Variants in PPP1R13B observed in about 807,000 individuals in gnomAD.
The protein encoded by PPP1R13B is apoptosis-stimulating of p53 protein 1.
Under a neutral mutation model 119.8 loss-of-function variants are expected in PPP1R13B, and 44 were observed. The ratio of observed to expected loss-of-function variants is 0.37; its 90% CI spans 0.29 to 0.47. The LOEUF is 0.47. Among genes scored for constraint, PPP1R13B ranks in the 20% least tolerant of loss-of-function variants. PPP1R13B has a pLI of 0.99. For missense variants in PPP1R13B, 1,227 were observed against 1,413.5 expected (o/e 0.87, Z 2.12); for synonymous variants, 542 against 561.5 (o/e 0.97, Z 0.49).
Position 103,740,446 on chromosome 14 carries a change from G to A in PPP1R13B, c.1970C>T (p.Pro657Leu). Residue 657 changes from proline to leucine, a missense_variant, in exon 12 of 17, where the codon CCC becomes CTC. By Grantham distance (98) the Pro-to-Leu change is moderately conservative. Coordinates refer to ENST00000202556, the MANE Select transcript of PPP1R13B (RefSeq NM_015316.3). The surrounding 1 kb of genome is among the most constrained non-coding windows in gnomAD (Gnocchi z 4.6). ...KEPEQDGPAA[P>L]ADGSTVESLP... ...GCTCTCCACGGTGCTGCCATCTGCG[G>A]GGGCGGCGGGGCCATCCTGCTCAGG... The A allele has an allele frequency of 6.2e-7, 1 of 1,606,892 alleles. No individual in the cohort carries two copies. Among genetic ancestry groups the A allele is most frequent in the Non-Finnish European group, 8.5e-7 (1 of 1,175,594 alleles).
intron 16 of PPP1R13B, 107 bp from the exon 17 acceptor site, chr14:103,735,302 G>T: frequency 1.9e-6 from 2 of 1,058,960 alleles, no homozygotes; most frequent in Non-Finnish European, 2.9e-6. Flanking sequence ...CAGCCGTGCA[G>T]CACCCTTGTC....
rs934262120 is a variant in PPP1R13B at position 103,836,034 on chromosome 14, C to A, written c.9+11265G>T. Reference sequence around the variant, plus strand: ...GGGATTGCAGATGTAAGCCATGGCGCCTGGCCTACTGACTTTTTTTTTTTT... The same window carrying A: ...GGGATTGCAGATGTAAGCCATGGCGACTGGCCTACTGACTTTTTTTTTTTT... On this transcript the variant is annotated intron_variant, in intron 1 of 16. Transcript: ENST00000202556. Among the ~76,000 whole-genome samples, 8 of 150,700 alleles carry A rather than the reference C, an allele frequency of 5.3e-5. No homozygotes were observed. The Middle Eastern group carries it at 0.017, about 325-fold the overall frequency.
At chr14:103,841,839 A>G (rs1360683041) in intron 1 of PPP1R13B, among the ~76,000 whole-genome samples, 4 of 152,206 alleles carry the variant, frequency 2.6e-5, no homozygotes. Context: ...GAATATGAAT[A>G]TTAGAGAACT....
chr14:103,752,344 T>C (rs760782831), intron 7 of PPP1R13B, among the ~76,000 whole-genome samples: 20 of 152,216 alleles, frequency 1.3e-4, no homozygotes, highest in African/African-American at 4.8e-4. Context: ...AGTAGATCTG[T>C]GGCTGCCAGG....
chr14:103,741,651 C>G, intron 11 of PPP1R13B, 139 bp downstream of exon 11: 5 of 1,147,580 alleles, frequency 4.4e-6, no homozygotes, highest in Non-Finnish European at 4.9e-6. Flanking sequence ...CACTGACACC[C>G]AAGGCTGTAC....
intron 1 of PPP1R13B, among the ~76,000 whole-genome samples, chr14:103,812,978 T>C (rs1449378508): frequency 3.3e-5 from 5 of 152,232 alleles, no homozygotes; most frequent in African/African-American, 9.6e-5. Context: ...TACAGCCATG[T>C]TGGAAGACAG....
intron 1 of PPP1R13B, chr14:103,818,478 TACCTGTTTTC>T (rs1165423574): frequency 2.0e-6 from 2 of 979,682 alleles, no homozygotes; most frequent in Non-Finnish European, 2.4e-6. Flanking sequence ...TATTGTCAGG[TACCTGTTTTC>T]ACACAGGGAG....
intron 1 of PPP1R13B, among the ~76,000 whole-genome samples, chr14:103,825,400 C>G (rs1318295757): frequency 6.6e-6 from 1 of 152,164 alleles, no homozygotes; most frequent in Non-Finnish European, 1.5e-5. Context: ...ATGTCAAAAG[C>G]TGAGATAGGC....
chr14:103,773,329 T>C (rs1340992268), intron 4 of PPP1R13B, among the ~76,000 whole-genome samples: 2 of 152,106 alleles, frequency 1.3e-5, no homozygotes, highest in Non-Finnish European at 2.9e-5. Context: ...GAAGATAAAA[T>C]ACTTCTCGAG....
At chr14:103,788,630 G>A (rs1392601325) in intron 2 of PPP1R13B, among the ~76,000 whole-genome samples, 1 of 151,084 alleles carries the variant, frequency 6.6e-6, no homozygotes, top group East Asian at 1.9e-4. Context: ...TTGAGGCTAC[G>A]ACTGCCATTG....
intron 1 of PPP1R13B, among the ~76,000 whole-genome samples, chr14:103,814,650 A>G (rs1301610001): frequency 6.6e-6 from 1 of 152,174 alleles, no homozygotes; most frequent in Non-Finnish European, 1.5e-5. Context: ...ATTTAAAAAA[A>G]AACAAAAACC....
rs201790061 is a variant in PPP1R13B, at chr14:103,804,720, T to G, written c.10-7202A>C. 4.6e-5 allele frequency among the ~76,000 whole-genome samples: 7 copies of G among 151,334 alleles called. No homozygotes were observed. The East Asian group carries it at 1.2e-3, about 25-fold the overall frequency. On this transcript the variant is annotated intron_variant, in intron 1 of 16. Transcript: ENST00000202556. ...CTATACTACAGCCTGGGTGATAGAG[T>G]GAGATCCCATCTCTAAGGAAAAAAA...
intron 4 of PPP1R13B, among the ~76,000 whole-genome samples, chr14:103,771,409 A>T (rs2152004956): frequency 6.6e-6 from 1 of 152,142 alleles, no homozygotes; most frequent in East Asian, 1.9e-4. Context: ...TGCTGAACAT[A>T]AAATATGTTT....
chr14:103,798,946 T>TC, intron 1 of PPP1R13B, among the ~76,000 whole-genome samples: 1 of 152,116 alleles, frequency 6.6e-6, no homozygotes, highest in Admixed American at 6.5e-5. Flanking sequence ...CGCCTTGGCC[T>TC]CCCAAAGTGC....
chr14:103,821,314 T>G (rs1205842270), intron 1 of PPP1R13B, among the ~76,000 whole-genome samples: 1 of 152,180 alleles, frequency 6.6e-6, no homozygotes, highest in African/African-American at 2.4e-5. Flanking sequence ...CCTCTTCCTC[T>G]TTTTAATTTC....
At chr14:103,838,893 A>G (rs2086838062) in intron 1 of PPP1R13B, among the ~76,000 whole-genome samples, 1 of 152,222 alleles carries the variant, frequency 6.6e-6, no homozygotes, top group African/African-American at 2.4e-5. Context: ...AGCAGAATAA[A>G]GTGAGGGTCT....
intron 4 of PPP1R13B, among the ~76,000 whole-genome samples, chr14:103,773,528 T>C (rs538783223): frequency 3.2e-4 from 49 of 152,210 alleles, no homozygotes; most frequent in African/African-American, 9.4e-4. Context: ...TCAAATAATA[T>C]AAAACCACAA....
intron 2 of PPP1R13B, among the ~76,000 whole-genome samples, chr14:103,788,647 A>G (rs1316732466): frequency 6.6e-6 from 1 of 151,976 alleles, no homozygotes; most frequent in Non-Finnish European, 1.5e-5. Context: ...ATTGCGCTCA[A>G]GCCTGGATGA....
At chr14:103,843,281 C>T (rs559693919) in intron 1 of PPP1R13B, among the ~76,000 whole-genome samples, 65 of 150,816 alleles carry the variant, frequency 4.3e-4, no homozygotes, top group African/African-American at 1.4e-3. Context: ...GGCTGGGGCA[C>T]GAGAATCACT....
Sources: gnomAD v4.1 joint callset for allele counts (sites outside exome capture counted in the v4.1 genomes callset) on GRCh38, gnomAD v4.1.1 for gene constraint, Gnocchi (gnomAD v3.1) non-coding constraint, MANE v1.5 for transcripts, NCBI Gene and HGNC (gene_info 2026-07-23, HGNC 2026-07-21) for gene names.